The following MACROD2 variants were observed in gnomAD, a reference collection of about 807,000 sequenced individuals.
MACROD2 encodes ADP-ribose glycohydrolase MACROD2.
In MACROD2, 36 loss-of-function variants were observed where a neutral mutation model predicts 70.4. The observed-to-expected ratio is 0.51, with a 90% CI of 0.39 to 0.68. The LOEUF (loss-of-function observed/expected upper bound fraction) is 0.68, where lower values mean the gene tolerates loss of function less well. Ranked by LOEUF, MACROD2 falls within the 30% of genes least tolerant of loss-of-function variation. The pLI is 0.00. For synonymous variants in MACROD2, 172 were observed against 178.8 expected, an observed-to-expected ratio of 0.96 and a Z score of 0.30; for missense variants, 496 against 538.4, an observed-to-expected ratio of 0.92 and a Z score of 0.78.
chr20:15,883,804 A>G (rs1264682122), intron 9 of MACROD2, among the ~76,000 whole-genome samples: 1 of 152,146 alleles, frequency 6.6e-6, no homozygotes, highest in Non-Finnish European at 1.5e-5. Flanking sequence ...TGATTCTAGT[A>G]TATAAAATGA....
At chr20:15,847,360 AT>A in intron 8 of MACROD2, among the ~76,000 whole-genome samples, 1 of 152,266 alleles carries the variant, frequency 6.6e-6, no homozygotes, top group South Asian at 2.1e-4. Context: ...TGCCAATTCC[AT>A]TTGCATATCT....
intron 5 of MACROD2, among the ~76,000 whole-genome samples, chr20:14,829,084 C>T (rs1021296228): frequency 1.4e-4 from 21 of 151,326 alleles, no homozygotes; most frequent in African/African-American, 5.1e-4. Flanking sequence ...TGCTCTCCCT[C>T]CCACCGCTCC....
At chr20:14,344,150 G>T (rs1165927996) in intron 3 of MACROD2, among the ~76,000 whole-genome samples, 1 of 152,102 alleles carries the variant, frequency 6.6e-6, no homozygotes, top group Non-Finnish European at 1.5e-5. Context: ...TAGAGTCAAA[G>T]ACTGTTTTCT....
chr20:15,350,745 A>G (rs1348849105), intron 6 of MACROD2, among the ~76,000 whole-genome samples: 1 of 152,192 alleles, frequency 6.6e-6, no homozygotes, highest in Admixed American at 6.6e-5. Context: ...TATTCTAGGA[A>G]TTTCTAAATA....
chr20:14,065,903 G>A lies in MACROD2; in HGVS notation c.164-19718G>A, dbSNP rs368248178. On this transcript the variant is annotated intron_variant, in intron 2 of 17. Coordinates refer to ENST00000684519, the MANE Select transcript of MACROD2 (RefSeq NM_001351661.2). The stretch of plus-strand genomic sequence containing the variant: ...TTACAAGACAACATGCAAAATACGT[G>A]AGTCGTCATTGTGGAGGGAAAGGAA... Among the ~76,000 whole-genome samples the A allele has an allele frequency of 3.2e-4, 49 of 152,176 alleles. 3 individuals carry two copies. Among genetic ancestry groups the A allele is most frequent in the East Asian group, 3.1e-3 (16 of 5,194 alleles).
At chr20:14,838,759 G>A (rs1302748260) in intron 5 of MACROD2, among the ~76,000 whole-genome samples, 2 of 152,100 alleles carry the variant, frequency 1.3e-5, no homozygotes, top group African/African-American at 4.8e-5. Context: ...TAAGATAAAA[G>A]AGAGAAACCA....
At chr20:14,608,812 T>A (rs1158697042) in intron 4 of MACROD2, among the ~76,000 whole-genome samples, 12 of 152,164 alleles carry the variant, frequency 7.9e-5, no homozygotes, top group Non-Finnish European at 5.9e-5. Context: ...GATAGGTAGG[T>A]ACCGTTTTAG....
chr20:15,999,064 TAGTTCCTTAA>T (rs2066673451), intron 15 of MACROD2, among the ~76,000 whole-genome samples: 1 of 152,170 alleles, frequency 6.6e-6, no homozygotes, highest in East Asian at 1.9e-4. Context: ...ATTTCTTTTT[TAGTTCCTTAA>T]AGTGTAAAGT....
intron 6 of MACROD2, among the ~76,000 whole-genome samples, chr20:15,414,549 G>A (rs1042652275): frequency 2.0e-5 from 3 of 152,170 alleles, no homozygotes; most frequent in African/African-American, 4.8e-5. Context: ...ACAGAAGGAC[G>A]CATGTGCTTA....
At chr20:15,803,170 A>G (rs2327967) in intron 8 of MACROD2, among the ~76,000 whole-genome samples, 30,981 of 152,032 alleles carry the variant, frequency 0.2, 3,244 homozygotes, top group Non-Finnish European at 0.21. Flanking sequence ...TGAGGCTAGC[A>G]TCACTCTGAT....
intron 15 of MACROD2, among the ~76,000 whole-genome samples, chr20:16,007,902 C>T (rs1168732821): frequency 6.6e-6 from 1 of 152,082 alleles, no homozygotes; most frequent in African/African-American, 2.4e-5. Flanking sequence ...ATAAAATCAC[C>T]CAACTTTATA....
intron 4 of MACROD2, among the ~76,000 whole-genome samples, chr20:14,551,463 C>A (rs1056740030): frequency 5.3e-5 from 8 of 152,136 alleles, no homozygotes; most frequent in Admixed American, 4.6e-4. Context: ...CTCTTCACAC[C>A]TCATAATTTC....
At chr20:15,971,165 C>T (rs1240339717) in intron 13 of MACROD2, among the ~76,000 whole-genome samples, 1 of 152,134 alleles carries the variant, frequency 6.6e-6, no homozygotes, top group African/African-American at 2.4e-5. Flanking sequence ...TGAAAAGGAT[C>T]ATGTTTCTCT....
intron 3 of MACROD2, among the ~76,000 whole-genome samples, chr20:14,481,068 G>A (rs573127870): frequency 1.3e-5 from 2 of 152,152 alleles, no homozygotes; most frequent in African/African-American, 4.8e-5. Flanking sequence ...GAGTGCTAAC[G>A]ATAGAAAACT....
At chr20:15,495,870 G>T (rs1028197394) in intron 7 of MACROD2, among the ~76,000 whole-genome samples, 6 of 152,170 alleles carry the variant, frequency 3.9e-5, no homozygotes, top group African/African-American at 1.4e-4. Flanking sequence ...CTGAAGAAGT[G>T]ATCACCTGGC....
intron 3 of MACROD2, among the ~76,000 whole-genome samples, chr20:14,153,214 A>C (rs1384320797): frequency 6.6e-6 from 1 of 152,216 alleles, no homozygotes; most frequent in African/African-American, 2.4e-5. Flanking sequence ...CAAATCTTTC[A>C]TTAGTAGTAA....
intron 5 of MACROD2, among the ~76,000 whole-genome samples, chr20:14,903,072 G>A (rs539911217): frequency 9.1e-5 from 10 of 110,130 alleles, no homozygotes; most frequent in East Asian, 4.9e-4. Context: ...ACATAGTTTC[G>A]CTCTTGTTGC....
intron 3 of MACROD2, among the ~76,000 whole-genome samples, chr20:14,169,513 A>C (rs1054347374): frequency 7.9e-5 from 12 of 152,118 alleles, no homozygotes; most frequent in African/African-American, 2.9e-4. Context: ...CATGTTGGTC[A>C]GGCTGGTCTT....
intron 8 of MACROD2, among the ~76,000 whole-genome samples, chr20:15,751,318 G>A (rs1156350587): frequency 6.6e-6 from 1 of 151,836 alleles, no homozygotes; most frequent in Non-Finnish European, 1.5e-5. Flanking sequence ...ACATGATTCA[G>A]GTACTAATGT....
Sources: gnomAD v4.1 joint callset for allele counts (sites outside exome capture counted in the v4.1 genomes callset) on GRCh38, gnomAD v4.1.1 for gene constraint, MANE v1.5 for transcripts, NCBI Gene and HGNC (gene_info 2026-07-23, HGNC 2026-07-21) for gene names.